Variants in CDH11 observed in about 807,000 individuals in gnomAD.
The protein encoded by CDH11 is cadherin-11.
A neutral mutation model predicts 67.8 loss-of-function variants in CDH11; 11 were observed. The observed-to-expected ratio is 0.16, with a 90% confidence interval of 0.10 to 0.27. The LOEUF (loss-of-function observed/expected upper bound fraction) is 0.27. Ranked by LOEUF, CDH11 falls within the 10% of genes least tolerant of loss-of-function variation. The probability of loss-of-function intolerance (pLI) is 1.00; values close to 1 mark genes in which losing one functional copy is unlikely to be tolerated. For missense variants in CDH11, 847 were observed against 1,031.2 expected (o/e 0.82, Z 2.45); for synonymous variants, 419 against 400.0 (o/e 1.05, Z -0.57).
chr16:65,058,326 C>T (rs1298123435), intron 1 of CDH11, among the ~76,000 whole-genome samples: 1 of 152,234 alleles, frequency 6.6e-6, no homozygotes, highest in Non-Finnish European at 1.5e-5. Context: ...TAAATGTTTA[C>T]ATGTTACTGT....
At chr16:65,020,243 T>TTA (rs1567532193) in intron 2 of CDH11, among the ~76,000 whole-genome samples, 2 of 152,308 alleles carry the variant, frequency 1.3e-5, no homozygotes, top group East Asian at 3.9e-4. Context: ...AATGAAGCAG[T>TTA]TAATGTAGTT....
chr16:65,061,465 T>G (rs996700530), intron 1 of CDH11, among the ~76,000 whole-genome samples: 8 of 152,248 alleles, frequency 5.3e-5, no homozygotes, highest in Non-Finnish European at 1.0e-4. Flanking sequence ...CTTTGATAAA[T>G]GCAACGTGGC....
At chr16:65,050,962 G>T (rs1417797148) in intron 2 of CDH11, among the ~76,000 whole-genome samples, 5 of 152,144 alleles carry the variant, frequency 3.3e-5, no homozygotes, top group African/African-American at 1.2e-4. Context: ...AAGGGCCGAT[G>T]AAATGAAGAG....
At chr16:65,005,104 C>T in intron 2 of CDH11, 63 bp from the exon 3 acceptor site, 2 of 1,316,826 alleles carry the variant, frequency 1.5e-6, no homozygotes, top group Non-Finnish European at 1.9e-6. Context: ...CCATTCCTTT[C>T]AGTAAGCCTT....
chr16:65,067,189 T>A (rs2074326446), intron 1 of CDH11, among the ~76,000 whole-genome samples: 5 of 136,618 alleles, frequency 3.7e-5, no homozygotes, highest in South Asian at 2.3e-4. Context: ...ATACAAAGAG[T>A]CAACAGGAAA....
intron 10 of CDH11, 40 bp downstream of exon 10, chr16:64,971,891 G>A: frequency 6.2e-7 from 1 of 1,608,404 alleles, no homozygotes; most frequent in Non-Finnish European, 8.5e-7. Flanking sequence ...CTATTTCCAA[G>A]TGCATTGTTC....
chr16:65,056,478 T>C (rs2074145481), intron 1 of CDH11, among the ~76,000 whole-genome samples: 1 of 152,250 alleles, frequency 6.6e-6, no homozygotes, highest in Admixed American at 6.5e-5. Context: ...GTTGTTGTTA[T>C]ATGCCACTAA....
At chr16:65,034,990 A>G (rs2073723125) in intron 2 of CDH11, among the ~76,000 whole-genome samples, 1 of 152,192 alleles carries the variant, frequency 6.6e-6, no homozygotes, top group African/African-American at 2.4e-5. Context: ...GAAATCTGCA[A>G]AGACCTAGTT....
At chr16:65,123,082 C>G (rs2075362904), upstream of CDH11, among the ~76,000 whole-genome samples, 1 of 152,174 alleles carries the variant, frequency 6.6e-6, no homozygotes, top group African/African-American at 2.4e-5. Context: ...CCTCCCTCCC[C>G]GAGTCGCCGG....
chr16:64,973,244 A>G (rs35228), intron 8 of CDH11, among the ~76,000 whole-genome samples: 109,033 of 152,058 alleles, frequency 0.72, 41,451 homozygotes, highest in East Asian at 1. Context: ...CTTATTCAGT[A>G]CAATGAATGA....
At chr16:65,030,546 A>G (rs988072708) in intron 2 of CDH11, among the ~76,000 whole-genome samples, 2 of 152,172 alleles carry the variant, frequency 1.3e-5, no homozygotes, top group Non-Finnish European at 2.9e-5. Flanking sequence ...AAGAGATCAC[A>G]CTTGGGGAAC....
chr16:64,966,377 T>A (rs551771342), intron 11 of CDH11, among the ~76,000 whole-genome samples: 2 of 151,924 alleles, frequency 1.3e-5, no homozygotes, highest in Non-Finnish European at 2.9e-5. Context: ...TGAAAAATAA[T>A]TCTAAATTAT....
At chr16:65,025,140 C>G (rs1008633805) in intron 2 of CDH11, among the ~76,000 whole-genome samples, 8 of 152,160 alleles carry the variant, frequency 5.3e-5, no homozygotes, top group African/African-American at 1.4e-4. Context: ...CTCACTTCCC[C>G]TCTCTGAGTC....
chr16:64,947,405 G>T lies in CDH11; in HGVS notation c.*198C>A. On this transcript the variant is annotated 3_prime_UTR_variant, in exon 13 of 13. Transcript: ENST00000268603. ...AAGTTGATAAACAACTTCAATATTT[G>T]CCTTTTTGTGAGAAAAGGTATTTCA... 15 of 1,316,580 alleles carry T rather than the reference G, an allele frequency of 1.1e-5. No homozygotes were observed. The highest frequency in any genetic ancestry group is 5.6e-5 in the East Asian group (2 of 35,700). 81.6% of individuals were successfully genotyped at this position (1,316,580 alleles called of 1,614,324 possible).
intron 1 of CDH11, among the ~76,000 whole-genome samples, chr16:65,115,792 T>C (rs1365589340): frequency 6.6e-6 from 1 of 151,634 alleles, no homozygotes; most frequent in Non-Finnish European, 1.5e-5. Context: ...CAAGATTAGT[T>C]GGCCAGGTAC....
At chr16:65,097,132 A>T (rs2142845716) in intron 1 of CDH11, among the ~76,000 whole-genome samples, 1 of 152,328 alleles carries the variant, frequency 6.6e-6, no homozygotes, top group East Asian at 1.9e-4. Context: ...ACAGAGACAA[A>T]CACACACAAA....
rs375685941 is a variant in CDH11 at position 64,944,311 on chromosome 16, G to C, written c.*3292C>G. 6.4e-4 allele frequency: 148 copies of C among 232,928 alleles called. 4 individuals carry two copies. The South Asian group carries it at 0.025, about 40-fold the overall frequency. 14.4% of individuals were successfully genotyped at this position (232,928 alleles called of 1,614,324 possible). On this transcript the variant is annotated 3_prime_UTR_variant, in exon 13 of 13. Coordinates refer to ENST00000268603, the MANE Select transcript of CDH11 (RefSeq NM_001797.4). ...TCAGAGATGACCATGGCCCAGACCAGGCTGATGGCAGTGCAAGAGCAGAGA... is the reference window on the plus strand; with the variant it reads ...TCAGAGATGACCATGGCCCAGACCACGCTGATGGCAGTGCAAGAGCAGAGA...
chr16:65,044,009 G>C (rs1456024563), intron 2 of CDH11, among the ~76,000 whole-genome samples: 1 of 152,132 alleles, frequency 6.6e-6, no homozygotes, highest in Non-Finnish European at 1.5e-5. Context: ...CACAAGGAAG[G>C]TCTCTGCAGT....
chr16:65,044,616 T>C (rs1310318088), intron 2 of CDH11, among the ~76,000 whole-genome samples: 6 of 152,066 alleles, frequency 3.9e-5, no homozygotes, highest in Non-Finnish European at 8.8e-5. Context: ...AAGATGCTTC[T>C]CTGCTCACTC....
Sources: gnomAD v4.1 joint callset for allele counts (sites outside exome capture counted in the v4.1 genomes callset) on GRCh38, gnomAD v4.1.1 for gene constraint, MANE v1.5 for transcripts, NCBI Gene and HGNC (gene_info 2026-07-23, HGNC 2026-07-21) for gene names.